The following FOXP1 variants were observed in gnomAD, a reference collection of about 807,000 sequenced individuals.
FOXP1 encodes the protein forkhead box protein P1.
FOXP1 carries 15 observed loss-of-function variants against 98.2 expected under a neutral mutation model. The ratio of observed to expected loss-of-function variants is 0.15; its 90% CI spans 0.10 to 0.24. The LOEUF (loss-of-function observed/expected upper bound fraction) is 0.24. Among genes scored for constraint, FOXP1 ranks in the 10% least tolerant of loss-of-function variants. FOXP1 has a pLI of 1.00. For missense variants in FOXP1, 633 were observed against 848.5 expected (o/e 0.75, Z 3.15); for synonymous variants, 371 against 314.5 (o/e 1.18, Z -1.90).
rs886058850 is a variant in FOXP1, at chr3:70,958,206, AAAAG to A, written c.*1037_*1040del. ...TATTAATGGTTGCTGCAAAAAAAAAAAAAGAAAAGAAAAGAAAAAAAGAAAATCC... is the reference window on the plus strand; with the variant it reads ...TATTAATGGTTGCTGCAAAAAAAAAAAAAAGAAAAGAAAAAAAGAAAATCC... On this transcript the variant is annotated 3_prime_UTR_variant, in exon 21 of 21. Coordinates refer to ENST00000649528, the MANE Select transcript of FOXP1 (RefSeq NM_001349338.3). 2.5e-4 allele frequency: 110 copies of A among 437,046 alleles called. No individual in the cohort carries two copies. The highest frequency in any genetic ancestry group is 7.0e-4 in the South Asian group (32 of 45,514). The allele number at this position is 437,046 out of a possible 1,614,324, so 27.1% of individuals were successfully genotyped here.
chr3:71,534,027 C>T (rs1459215511), intron 2 of FOXP1, among the ~76,000 whole-genome samples: 4 of 152,126 alleles, frequency 2.6e-5, no homozygotes, highest in Non-Finnish European at 5.9e-5. Context: ...CGTAAGTAGA[C>T]CAAAATCCGT....
At chr3:71,555,379 C>T (rs1229204225) in intron 2 of FOXP1, among the ~76,000 whole-genome samples, 2 of 152,126 alleles carry the variant, frequency 1.3e-5, no homozygotes. Flanking sequence ...GATTGCTGGT[C>T]ATCTTTCACA....
chr3:71,419,740 A>T (rs1294595886), intron 3 of FOXP1, among the ~76,000 whole-genome samples: 1 of 152,206 alleles, frequency 6.6e-6, no homozygotes, highest in Non-Finnish European at 1.5e-5. Flanking sequence ...CAAATGGATG[A>T]GCATATACAC....
chr3:71,489,716 G>C (rs1397637000), intron 3 of FOXP1, among the ~76,000 whole-genome samples: 1 of 152,180 alleles, frequency 6.6e-6, no homozygotes, highest in Admixed American at 6.5e-5. Context: ...GATACGAAGT[G>C]CTCAGCCCTT....
intron 7 of FOXP1, among the ~76,000 whole-genome samples, chr3:71,061,428 C>T (rs781235905): frequency 2.6e-5 from 4 of 152,070 alleles, no homozygotes; most frequent in Non-Finnish European, 4.4e-5. Flanking sequence ...TTTATGTAGG[C>T]AGTTCCTTCT....
chr3:71,324,160 T>C (rs1477414505), intron 4 of FOXP1, among the ~76,000 whole-genome samples: 1 of 152,192 alleles, frequency 6.6e-6, no homozygotes. Context: ...CAAAATTAGA[T>C]ACATATATTT....
chr3:70,981,078 G>C (rs1272000541), intron 14 of FOXP1, among the ~76,000 whole-genome samples: 2 of 150,636 alleles, frequency 1.3e-5, no homozygotes, highest in African/African-American at 4.9e-5. Flanking sequence ...ATCTTTTTGG[G>C]TGTTCACAGC....
intron 5 of FOXP1, among the ~76,000 whole-genome samples, chr3:71,279,172 C>A (rs371020880): frequency 2.0e-4 from 14 of 69,764 alleles, no homozygotes; most frequent in African/African-American, 5.0e-4. Flanking sequence ...AACTCCATCT[C>A]AAAAAAAAAA....
At chr3:71,197,668 T>C (rs546376946) in intron 6 of FOXP1, among the ~76,000 whole-genome samples, 2 of 152,262 alleles carry the variant, frequency 1.3e-5, no homozygotes, top group Admixed American at 1.3e-4. Flanking sequence ...ATCCTACTCG[T>C]AGAGGGAAGC....
chr3:71,187,871 TAGTC>T (rs888268193), intron 6 of FOXP1, among the ~76,000 whole-genome samples: 3 of 152,140 alleles, frequency 2.0e-5, no homozygotes, highest in South Asian at 2.1e-4. Flanking sequence ...GGACTAAAAA[TAGTC>T]AGGAAAGAAA....
chr3:71,303,530 T>C (rs2074024314), intron 4 of FOXP1, among the ~76,000 whole-genome samples: 3 of 152,188 alleles, frequency 2.0e-5, no homozygotes, highest in African/African-American at 4.8e-5. Context: ...CCTCTTTAAA[T>C]AGGGAATCTT....
Position 71,546,059 on chromosome 3 carries a change from T to C in FOXP1, c.-298+35490A>G, listed in dbSNP as rs186073418. 1.0e-3 allele frequency among the ~76,000 whole-genome samples: 159 copies of C among 152,332 alleles called. 1 individual carries two copies. The highest frequency in any genetic ancestry group is 3.7e-3 in the African/African-American group (152 of 41,568). ...GACAATGCACTTGACCCTTGTTCCA[T>C]GGAGTATGTGTGTGTGGCTTTTCCC... On this transcript the variant is annotated intron_variant, in intron 2 of 20. Coordinates refer to ENST00000649528, the MANE Select transcript of FOXP1 (RefSeq NM_001349338.3).
rs544327066 is a variant in FOXP1, at chr3:71,034,001, T to C, written c.869+7327A>G. Among the ~76,000 whole-genome samples, 3 of 152,224 alleles carry C rather than the reference T, an allele frequency of 2.0e-5. No homozygotes were observed. In the East Asian group the frequency reaches 5.8e-4, roughly 29 times the overall value. On this transcript the variant is annotated intron_variant, in intron 11 of 20. Coordinates refer to ENST00000649528, the MANE Select transcript of FOXP1 (RefSeq NM_001349338.3). ...GCTTTGGAGCAAAAATAAGTACCTG[T>C]ATCTTAGGCCTCTGCAGTTAGCCAC...
At chr3:71,088,333 A>C (rs2107580737) in intron 7 of FOXP1, among the ~76,000 whole-genome samples, 2 of 152,218 alleles carry the variant, frequency 1.3e-5, no homozygotes, top group South Asian at 4.1e-4. Flanking sequence ...TGTTTATCTT[A>C]ATCTACTTTG....
chr3:71,238,718 G>A (rs965081012), intron 5 of FOXP1, among the ~76,000 whole-genome samples: 4 of 152,166 alleles, frequency 2.6e-5, no homozygotes, highest in East Asian at 3.9e-4. Context: ...GACTATTATC[G>A]TTACAGGCAT....
intron 7 of FOXP1, among the ~76,000 whole-genome samples, chr3:71,079,826 C>T (rs148148334): frequency 1.7e-4 from 26 of 152,282 alleles, no homozygotes; most frequent in African/African-American, 4.8e-4. Flanking sequence ...CATAGATGAG[C>T]GAGCTTACTT....
At chr3:71,319,067 C>T (rs951174848) in intron 4 of FOXP1, among the ~76,000 whole-genome samples, 9 of 152,150 alleles carry the variant, frequency 5.9e-5, no homozygotes, top group African/African-American at 1.4e-4. Context: ...TACTGGAAGT[C>T]GTGATTTTGC....
chr3:71,580,889 T>C, intron 2 of FOXP1: 2 of 985,418 alleles, frequency 2.0e-6, no homozygotes, highest in Non-Finnish European at 2.4e-6. Flanking sequence ...TCCTCCGGCA[T>C]TCCTGTTTAA....
chr3:71,565,527 G>T (rs1401532456), intron 2 of FOXP1, among the ~76,000 whole-genome samples: 1 of 152,062 alleles, frequency 6.6e-6, no homozygotes, highest in South Asian at 2.1e-4. Flanking sequence ...CTGGCCTAAT[G>T]GAAAAATCAA....
Sources: allele counts gnomAD v4.1 joint callset (sites outside exome capture counted in the v4.1 genomes callset), GRCh38; gene constraint gnomAD v4.1.1; transcripts MANE v1.5; gene names NCBI Gene and HGNC (gene_info 2026-07-23, HGNC 2026-07-21).